LIMS1: variants seen among roughly 807,000 people sequenced by gnomAD.
LIMS1 encodes LIM zinc finger domain containing 1, also known as LIM and senescent cell antigen-like-containing domain protein 1.
LIMS1 carries 18 observed loss-of-function variants against 44.1 expected under a neutral mutation model. The observed-to-expected ratio is 0.41, with a 90% CI of 0.28 to 0.61. The LOEUF (loss-of-function observed/expected upper bound fraction) is 0.61. Ranked by LOEUF, LIMS1 falls within the 20% of genes least tolerant of loss-of-function variation. The pLI, the probability that LIMS1 is intolerant of heterozygous loss-of-function variation, is 0.32. For missense variants in LIMS1, 201 were observed against 422.0 expected (o/e 0.48, Z 4.59); for synonymous variants, 93 against 149.1 (o/e 0.62, Z 2.74).
chr2:108,581,913 G>A lies in LIMS1; in HGVS notation c.32+47319G>A, dbSNP rs144841316. 4.9e-3 allele frequency among the ~76,000 whole-genome samples: 743 copies of A among 151,318 alleles called. 6 individuals carry two copies. Among genetic ancestry groups the A allele is most frequent in the Middle Eastern group, 0.017 (5 of 290 alleles). ...GATTGTGCCATTGGACTCCAGCCTG[G>A]GCAACAAGAGTGAAACTCCATCTCA... is the stretch of plus-strand genomic sequence containing the variant. On this transcript the variant is annotated intron_variant, in intron 1 of 9. Coordinates refer to ENST00000544547, the Ensembl canonical transcript of LIMS1.
intron 1 of LIMS1, among the ~76,000 whole-genome samples, chr2:108,603,213 AGTT>A (rs1687102401): frequency 6.6e-6 from 1 of 152,140 alleles, no homozygotes; most frequent in Admixed American, 6.5e-5. Flanking sequence ...GATTAGTAGT[AGTT>A]CTTCTTTAAA....
At chr2:108,662,196 C>T (rs1691424371) in intron 2 of LIMS1, 7 of 1,611,922 alleles carry the variant, frequency 4.3e-6, no homozygotes, top group African/African-American at 4.0e-5. Context: ...AGCCCTCCGT[C>T]ACCTTCTTTC....
chr2:108,683,047 TTGC>T (rs2149027479), intron 9 of LIMS1, among the ~76,000 whole-genome samples: 1 of 152,368 alleles, frequency 6.6e-6, no homozygotes, highest in South Asian at 2.1e-4. Context: ...ATAATGTGTG[TTGC>T]TCTAGCTTTT....
At chr2:108,643,308 C>T (rs2148924873) in intron 1 of LIMS1, among the ~76,000 whole-genome samples, 1 of 152,338 alleles carries the variant, frequency 6.6e-6, no homozygotes, top group African/African-American at 2.4e-5. Context: ...CAGTTCATCT[C>T]ATTGGGACTG....
chr2:108,535,032 GAATA>G (rs1684078774), intron 1 of LIMS1, among the ~76,000 whole-genome samples: 1 of 152,136 alleles, frequency 6.6e-6, no homozygotes, highest in African/African-American at 2.4e-5. Flanking sequence ...TTAACTCATT[GAATA>G]AATCCGTGGT....
At chr2:108,538,117 C>G (rs1573287005) in intron 1 of LIMS1, among the ~76,000 whole-genome samples, 1 of 152,294 alleles carries the variant, frequency 6.6e-6, no homozygotes, top group East Asian at 1.9e-4. Flanking sequence ...GGGATGTCAT[C>G]TACATTATAT....
chr2:108,653,641 G>C (rs1371738128), intron 1 of LIMS1, among the ~76,000 whole-genome samples: 1 of 151,730 alleles, frequency 6.6e-6, no homozygotes, highest in Non-Finnish European at 1.5e-5. Flanking sequence ...AAAAGTATAT[G>C]AGACAAGTCT....
intron 1 of LIMS1, among the ~76,000 whole-genome samples, chr2:108,587,239 C>G (rs2104671270): frequency 6.6e-6 from 1 of 151,714 alleles, no homozygotes; most frequent in East Asian, 1.9e-4. Context: ...GGCTAGTACC[C>G]AGTCTCAGTG....
At chr2:108,619,402 G>C (rs1364664014) in intron 1 of LIMS1, among the ~76,000 whole-genome samples, 1 of 151,334 alleles carries the variant, frequency 6.6e-6, no homozygotes, top group Non-Finnish European at 1.5e-5. Flanking sequence ...AAAAAACGAA[G>C]GCTGGGCACG....
chr2:108,557,082 T>C (rs1314478564), intron 1 of LIMS1, among the ~76,000 whole-genome samples: 4 of 152,096 alleles, frequency 2.6e-5, no homozygotes, highest in African/African-American at 9.7e-5. Context: ...TCCTTCCTTC[T>C]CCCCTACCCT....
At chr2:108,669,590 G>C (rs1016824306) in intron 2 of LIMS1, among the ~76,000 whole-genome samples, 4 of 152,048 alleles carry the variant, frequency 2.6e-5, no homozygotes, top group African/African-American at 9.7e-5. Flanking sequence ...ATTAAAAATG[G>C]ATTTTAATAA....
chr2:108,667,052 C>G (rs1422400557), intron 2 of LIMS1, among the ~76,000 whole-genome samples: 2 of 151,742 alleles, frequency 1.3e-5, no homozygotes, highest in Non-Finnish European at 2.9e-5. Context: ...ACTTAACCTT[C>G]AGCTCCTCTC....
intron 5 of LIMS1, among the ~76,000 whole-genome samples, chr2:108,674,916 C>G (rs1297162816): frequency 6.6e-6 from 1 of 151,246 alleles, no homozygotes; most frequent in East Asian, 1.9e-4. Flanking sequence ...GAAATTCAAA[C>G]AAGTCCGTTT....
At chr2:108,672,905 C>T (rs1692245402) in exon 5 of LIMS1, 10 of 894,050 alleles carry the variant, frequency 1.1e-5, no homozygotes, top group African/African-American at 2.1e-5. Flanking sequence ...CTGTCATAAT[C>T]GTGAGAAAGC....
At chr2:108,673,544 T>TC in intron 5 of LIMS1, 1 of 166,952 alleles carries the variant, frequency 6.0e-6, no homozygotes, top group Non-Finnish European at 1.3e-5. Context: ...ACACCACCCT[T>TC]CCTGACTAAT....
At chr2:108,609,768 A>G (rs1362171831) in intron 1 of LIMS1, among the ~76,000 whole-genome samples, 2 of 152,138 alleles carry the variant, frequency 1.3e-5, no homozygotes, top group Non-Finnish European at 2.9e-5. Context: ...CTGCACACAT[A>G]TACAGCAGTG....
At chr2:108,627,968 G>C (rs1277753653) in intron 1 of LIMS1, among the ~76,000 whole-genome samples, 1 of 152,212 alleles carries the variant, frequency 6.6e-6, no homozygotes, top group Non-Finnish European at 1.5e-5. Flanking sequence ...TGTTGTCGTA[G>C]ATTTCTGGAC....
chr2:108,551,142 ACT>A (rs1558783473), intron 1 of LIMS1, among the ~76,000 whole-genome samples: 1 of 151,884 alleles, frequency 6.6e-6, no homozygotes, highest in Non-Finnish European at 1.5e-5. Context: ...ACAAAAACAA[ACT>A]CACACACAGC....
chr2:108,573,659 T>C (rs1685566398), intron 1 of LIMS1, among the ~76,000 whole-genome samples: 1 of 152,186 alleles, frequency 6.6e-6, no homozygotes, highest in Non-Finnish European at 1.5e-5. Flanking sequence ...CAGACAGAAC[T>C]CTCTGTCTTC....
Sources: gnomAD v4.1 joint callset for allele counts (sites outside exome capture counted in the v4.1 genomes callset) on GRCh38, gnomAD v4.1.1 for gene constraint, MANE v1.5 for transcripts, NCBI Gene and HGNC (gene_info 2026-07-23, HGNC 2026-07-21) for gene names.